The following TENM1 variants were observed in gnomAD, a reference collection of about 807,000 sequenced individuals.
TENM1 encodes teneurin-1.
A neutral mutation model predicts 174.8 loss-of-function variants in TENM1; 35 were observed. The observed-to-expected ratio is 0.20, with a 90% CI of 0.15 to 0.27. The LOEUF (loss-of-function observed/expected upper bound fraction) is 0.27, where lower values mean the gene tolerates loss of function less well. TENM1 is among the 10% of genes least tolerant of loss of function. TENM1 has a pLI of 1.00. For synonymous variants in TENM1, 781 were observed against 798.7 expected (o/e 0.98, Z 0.37); for missense variants, 1,633 against 2,130.1 (o/e 0.77, Z 4.59).
chrX:124,488,487 TTC>T (rs2046997494), intron 20 of TENM1, among the ~76,000 whole-genome samples: 1 of 112,322 alleles, frequency 8.9e-6, no homozygotes, highest in Non-Finnish European at 1.9e-5. Context: ...TCACTGACTT[TTC>T]TGTTTCCTTT....
the TENM1 span, among the ~76,000 whole-genome samples, chrX:124,979,549 T>A: frequency 2.4e-4 from 27 of 112,102 alleles, no homozygotes; most frequent in Non-Finnish European, 3.8e-4. Context: ...ATATATTTTT[T>A]AAATTAATTT....
At chrX:124,898,359 TATC>T (rs1482788631) in intron 1 of TENM1, among the ~76,000 whole-genome samples, 3 of 111,128 alleles carry the variant, frequency 2.7e-5, no homozygotes, top group Admixed American at 9.7e-5. Context: ...GGTGCAAACT[TATC>T]ATGGCATTAC....
At chrX:124,920,117 C>A (rs768340741) in intron 1 of TENM1, among the ~76,000 whole-genome samples, 1 of 110,900 alleles carries the variant, frequency 9.0e-6, no homozygotes, top group South Asian at 3.8e-4. Context: ...AAAAAAAATA[C>A]GGATTAATGA....
At chrX:124,488,257 T>C (rs181524401) in intron 20 of TENM1, among the ~76,000 whole-genome samples, 23 of 112,549 alleles carry the variant, frequency 2.0e-4, no homozygotes, top group Non-Finnish European at 3.4e-4. Flanking sequence ...ATACGATCAT[T>C]TTAATTTTTA....
chrX:124,470,297 A>G (rs1406631574), intron 22 of TENM1, among the ~76,000 whole-genome samples: 1 of 111,918 alleles, frequency 8.9e-6, no homozygotes, highest in Non-Finnish European at 1.9e-5. Flanking sequence ...AGAGGTAGAA[A>G]TGTACCTGCT....
intron 3 of TENM1, among the ~76,000 whole-genome samples, chrX:124,805,934 A>C (rs1250837044): frequency 8.9e-6 from 1 of 112,616 alleles, no homozygotes; most frequent in African/African-American, 3.2e-5. Context: ...GAGAAACAAG[A>C]CATTATTAGG....
At chrX:124,932,722 T>C (rs150949218) in intron 1 of TENM1, among the ~76,000 whole-genome samples, 3,428 of 111,573 alleles carry the variant, frequency 0.031, 151 homozygotes, top group African/African-American at 0.11. Context: ...ATTCCAAACA[T>C]GACCTTCAGC....
chrX:124,546,914 T>C lies in TENM1; in HGVS notation c.2611A>G (p.Ser871Gly), dbSNP rs1243960409. ...ACCTCAGGAGGAATGACATGAGTACTGTCCTTGCCAATGAGGAATTTGATT... is the reference window on the plus strand; with the variant it reads ...ACCTCAGGAGGAATGACATGAGTACCGTCCTTGCCAATGAGGAATTTGATT... The change falls in exon 15 of 32, where the codon AGT becomes GGT. Residue 871 changes from serine (S) to glycine (G), a missense_variant. Around this residue, in one of 4 missense-constraint regions of TENM1, gnomAD observed 449 missense variants for 636.2 expected, o/e 0.71. Coordinates refer to ENST00000422452, the Ensembl canonical transcript of TENM1. 15 of 1,211,446 alleles carry C rather than the reference T, an allele frequency of 1.2e-5. No homozygotes were observed. The highest frequency in any genetic ancestry group is 1.7e-5 in the Non-Finnish European group (15 of 894,993).
chrX:124,563,907 A>G, intron 12 of TENM1, 135 bp from the exon 16 acceptor site: 1 of 446,294 alleles, frequency 2.2e-6, no homozygotes, highest in East Asian at 4.1e-5. Flanking sequence ...CTGCAGCTCA[A>G]AAGTTGGGTA....
intron 11 of TENM1, among the ~76,000 whole-genome samples, chrX:124,638,234 G>T (rs928825378): frequency 1.8e-5 from 2 of 111,217 alleles, no homozygotes; most frequent in Non-Finnish European, 3.8e-5. Context: ...CCCATTCTGT[G>T]ATTTTCTTCT....
intron 1 of TENM1, among the ~76,000 whole-genome samples, chrX:124,910,467 T>C (rs1404551580): frequency 8.9e-6 from 1 of 112,247 alleles, no homozygotes; most frequent in East Asian, 2.8e-4. Flanking sequence ...ATAGATGTAA[T>C]ATGAGTCTAC....
At chrX:125,041,633 A>G in the TENM1 span, among the ~76,000 whole-genome samples, 1 of 112,422 alleles carries the variant, frequency 8.9e-6, no homozygotes. Context: ...AAAATGGATC[A>G]TTTAATCTTC....
the TENM1 span, among the ~76,000 whole-genome samples, chrX:125,150,830 C>T: frequency 8.9e-6 from 1 of 112,222 alleles, no homozygotes; most frequent in African/African-American, 3.2e-5. Flanking sequence ...AAAATTTGAG[C>T]AAGGATAAAA....
intron 6 of TENM1, among the ~76,000 whole-genome samples, chrX:124,654,207 G>A (rs751417112): frequency 1.8e-5 from 2 of 112,314 alleles, no homozygotes; most frequent in African/African-American, 3.2e-5. Context: ...AAGTTATTTG[G>A]TTGGAGGATA....
At chrX:125,175,131 A>G in the TENM1 span, among the ~76,000 whole-genome samples, 1 of 111,417 alleles carries the variant, frequency 9.0e-6, no homozygotes, top group Non-Finnish European at 1.9e-5. Context: ...ATAATTTAAA[A>G]TAACAACTAT....
intron 3 of TENM1, among the ~76,000 whole-genome samples, chrX:124,803,041 C>T (rs764823238): frequency 9.0e-6 from 1 of 111,500 alleles, no homozygotes; most frequent in East Asian, 2.8e-4. Flanking sequence ...ATAACAAAGC[C>T]CAGTTCATAC....
chrX:124,948,773 C>T (rs1461025458), intron 1 of TENM1, among the ~76,000 whole-genome samples: 3 of 111,979 alleles, frequency 2.7e-5, no homozygotes, highest in Admixed American at 9.4e-5. Context: ...AGGTTGGTCT[C>T]GAACTCCTGA....
chrX:125,088,550 T>C, the TENM1 span, among the ~76,000 whole-genome samples: 1 of 111,349 alleles, frequency 9.0e-6, no homozygotes, highest in African/African-American at 3.3e-5. Flanking sequence ...AAATCTAAAA[T>C]TGATTTACAA....
chrX:124,472,635 A>G (rs1203878626), intron 22 of TENM1, among the ~76,000 whole-genome samples: 2 of 111,113 alleles, frequency 1.8e-5, no homozygotes, highest in African/African-American at 6.5e-5. Context: ...AGTTTGCTGC[A>G]TGTTGTTTGA....
Sources: gnomAD v4.1 joint callset for allele counts (sites outside exome capture counted in the v4.1 genomes callset) on GRCh38, gnomAD v4.1.1 for gene constraint, gnomAD v4.1.1 regional missense constraint, MANE v1.5 for transcripts, NCBI Gene and HGNC (gene_info 2026-07-23, HGNC 2026-07-21) for gene names.